The following TDRD7 variants were observed in gnomAD, a reference collection of about 807,000 sequenced individuals.
TDRD7 encodes tudor domain-containing protein 7.
A neutral mutation model predicts 109.8 loss-of-function variants in TDRD7; 47 were observed. That is an observed-to-expected ratio of 0.43 (90% confidence interval 0.34 to 0.55). The LOEUF (loss-of-function observed/expected upper bound fraction) is 0.55. Ranked by LOEUF, TDRD7 falls within the 20% of genes least tolerant of loss-of-function variation. TDRD7 has a pLI of 0.03. For synonymous variants in TDRD7, 424 were observed against 457.3 expected (o/e 0.93, Z 0.93); for missense variants, 1,164 against 1,319.2 (o/e 0.88, Z 1.82).
intron 7 of TDRD7, among the ~76,000 whole-genome samples, chr9:97,464,487 A>T (rs573167472): frequency 6.6e-6 from 1 of 152,056 alleles, no homozygotes; most frequent in African/African-American, 2.4e-5. Flanking sequence ...CCTCCCAAGT[A>T]GCTGGGACTA....
chr9:97,478,579 A>G lies in TDRD7; in HGVS notation c.2301+6A>G. On this transcript the variant is annotated splice_donor_region_variant and intron_variant, in intron 13 of 16. Transcript: ENST00000355295. ...TGATTGCAATACCACCTCAGGTACT[A>G]TGTTACCAGCCTGGGAGATTTGCTG... 3 of 1,613,566 alleles carry G rather than the reference A, an allele frequency of 1.9e-6. No individual in the cohort carries two copies. The highest frequency in any genetic ancestry group is 1.7e-5 in the Admixed American group (1 of 59,974).
At chr9:97,427,025 C>T (rs1828009054) in intron 1 of TDRD7, among the ~76,000 whole-genome samples, 1 of 152,148 alleles carries the variant, frequency 6.6e-6, no homozygotes, top group Non-Finnish European at 1.5e-5. Context: ...ATTTTAAGTG[C>T]TCAGAGCCAT....
intron 11 of TDRD7, among the ~76,000 whole-genome samples, chr9:97,474,750 T>C (rs572511970): frequency 6.6e-6 from 1 of 152,316 alleles, no homozygotes; most frequent in African/African-American, 2.4e-5. Context: ...CGATATTTCC[T>C]ACTGCACTCG....
intron 6 of TDRD7, 72 bp downstream of exon 6, chr9:97,441,947 A>G (rs1828314291): frequency 7.9e-7 from 1 of 1,273,548 alleles, no homozygotes; most frequent in African/African-American, 1.5e-5. Flanking sequence ...GTTATTAGTC[A>G]TATCACCTTT....
chr9:97,470,679 A>G lies in TDRD7; in HGVS notation c.1741+10A>G. On this transcript the variant is annotated intron_variant, in intron 9 of 16. Coordinates refer to ENST00000355295, the MANE Select transcript of TDRD7 (RefSeq NM_014290.3). ...AAATGTAAGCTTGCAGGTAAGAGGA[A>G]CTTTTTAAAAAACTCTCTCCATTTC... 6.2e-7 allele frequency: 1 copy of G among 1,607,984 alleles called. No homozygotes were observed. The highest frequency in any genetic ancestry group is 8.5e-7 in the Non-Finnish European group (1 of 1,175,146).
chr9:97,426,186 A>G (rs1352722834), intron 1 of TDRD7, among the ~76,000 whole-genome samples: 1 of 152,222 alleles, frequency 6.6e-6, no homozygotes, highest in African/African-American at 2.4e-5. Flanking sequence ...ATTACTGTAC[A>G]CTACTGTAGA....
chr9:97,476,654 T>C (rs1327800682), intron 12 of TDRD7, among the ~76,000 whole-genome samples: 1 of 151,918 alleles, frequency 6.6e-6, no homozygotes, highest in Non-Finnish European at 1.5e-5. Context: ...CAGAGGTTCT[T>C]AACCTAGATG....
chr9:97,481,042 C>T (rs1241646282), intron 14 of TDRD7, 104 bp downstream of exon 14: 21 of 917,520 alleles, frequency 2.3e-5, no homozygotes. Context: ...AAAATGGATG[C>T]TTCCACATCC....
chr9:97,445,998 G>A (rs1253836632), intron 6 of TDRD7, among the ~76,000 whole-genome samples: 5 of 152,120 alleles, frequency 3.3e-5, no homozygotes, highest in African/African-American at 4.8e-5. Context: ...TGGGCATGGT[G>A]ATGCATGCTT....
intron 4 of TDRD7, among the ~76,000 whole-genome samples, chr9:97,435,555 G>A (rs1160549257): frequency 6.6e-6 from 1 of 151,426 alleles, no homozygotes; most frequent in Non-Finnish European, 1.5e-5. Context: ...AAGATCACTT[G>A]AGCCTGAGAG....
intron 12 of TDRD7, among the ~76,000 whole-genome samples, chr9:97,476,166 AT>A (rs902998920): frequency 2.0e-5 from 3 of 152,150 alleles, no homozygotes; most frequent in Non-Finnish European, 4.4e-5. Context: ...CATTGAGAGT[AT>A]ATCCCTTTAA....
chr9:97,472,919 G>A (rs1027002708), intron 10 of TDRD7, among the ~76,000 whole-genome samples: 7 of 151,832 alleles, frequency 4.6e-5, no homozygotes, highest in Non-Finnish European at 1.0e-4. Context: ...TGTTAAAAAT[G>A]GTCATTTTAA....
chr9:97,473,411 TG>T, intron 10 of TDRD7, 80 bp from the exon 11 acceptor site: 1 of 1,573,290 alleles, frequency 6.4e-7, no homozygotes. Context: ...TGTTATGGGA[TG>T]TTTAGGTAGA....
At position 97,416,559 on chromosome 9, in the gene TDRD7, T is replaced by TG. The variant is rs551666864; in HGVS notation, c.-7+4322dup. Among the ~76,000 whole-genome samples the TG allele has an allele frequency of 9.8e-5, 15 of 152,320 alleles. No homozygotes were observed. In the South Asian group the frequency reaches 3.1e-3, roughly 32 times the overall value. ...ATGTGTGGGCTCCTTGCAATCATGC[T>TG]GCGGCCCTGACAGGGCCTAATCTGG... is the stretch of plus-strand genomic sequence containing the variant. On this transcript the variant is annotated intron_variant, in intron 1 of 16. Transcript: ENST00000355295.
At chr9:97,495,630 C>G (rs771366570) in intron 16 of TDRD7, 33 bp from the exon 17 acceptor site, 1 of 1,591,704 alleles carries the variant, frequency 6.3e-7, no homozygotes, top group African/African-American at 1.3e-5. Context: ...TTTGACTCCT[C>G]ACTGCTCCCT....
Position 97,435,467 on chromosome 9 carries a change from TAA to T in TDRD7, c.563+3247_563+3248del, listed in dbSNP as rs11314747. 2.5e-3 allele frequency among the ~76,000 whole-genome samples: 322 copies of T among 131,076 alleles called. 2 individuals are homozygous for T. The highest frequency in any genetic ancestry group is 3.9e-3 in the Admixed American group (52 of 13,196). 86.0% of individuals were successfully genotyped at this position (131,076 alleles called of 152,430 possible). On this transcript the variant is annotated intron_variant, in intron 4 of 16. Coordinates refer to ENST00000355295, the MANE Select transcript of TDRD7 (RefSeq NM_014290.3). ...CAACATGGTGAGACCTCATCTCTAC[TAA>T]AAAAAAAAAAAAAAAAATTACCTGG...
chr9:97,445,709 G>GA (rs761499662), intron 6 of TDRD7, among the ~76,000 whole-genome samples: 6 of 152,200 alleles, frequency 3.9e-5, no homozygotes, highest in East Asian at 3.9e-4. Flanking sequence ...GGAAGAAGCT[G>GA]AAGAGGCAAG....
chr9:97,477,062 A>G lies in TDRD7; in HGVS notation c.2167-1377A>G, dbSNP rs559296785. ...AAGGTCATGGCATTCTTCAGATCTTAAAGTTCTGTGTGATTTAATTTAAAA... is the reference window on the plus strand; with the variant it reads ...AAGGTCATGGCATTCTTCAGATCTTGAAGTTCTGTGTGATTTAATTTAAAA... On this transcript the variant is annotated intron_variant, in intron 12 of 16. Coordinates refer to ENST00000355295, the MANE Select transcript of TDRD7 (RefSeq NM_014290.3). Among the ~76,000 whole-genome samples, 15 of 152,332 alleles carry G rather than the reference A, an allele frequency of 9.8e-5. 1 individual carries two copies. The highest frequency in any genetic ancestry group is 3.6e-4 in the African/African-American group (15 of 41,582).
intron 6 of TDRD7, among the ~76,000 whole-genome samples, chr9:97,444,843 G>A (rs564503926): frequency 6.6e-6 from 1 of 152,278 alleles, no homozygotes; most frequent in East Asian, 1.9e-4. Flanking sequence ...TTGAATATCA[G>A]AATGCACAGC....
Sources: gnomAD v4.1 joint callset for allele counts (sites outside exome capture counted in the v4.1 genomes callset) on GRCh38, gnomAD v4.1.1 for gene constraint, MANE v1.5 for transcripts, NCBI Gene and HGNC (gene_info 2026-07-23, HGNC 2026-07-21) for gene names.